LCP2: variants seen among roughly 807,000 people sequenced by gnomAD.
The protein encoded by LCP2 is 76 kDa tyrosine phosphoprotein.
LCP2 carries 29 observed loss-of-function variants against 74.5 expected under a neutral mutation model. The observed-to-expected ratio is 0.39, with a 90% confidence interval of 0.29 to 0.53. LCP2 has a LOEUF of 0.53. Ranked by LOEUF, LCP2 falls within the 20% of genes least tolerant of loss-of-function variation. LCP2 has a pLI of 0.72. For missense variants in LCP2, 604 were observed against 634.6 expected, an observed-to-expected ratio of 0.95 and a Z score of 0.52; for synonymous variants, 228 against 229.5, an observed-to-expected ratio of 0.99 and a Z score of 0.06.
At chr5:170,262,125 C>T (rs1055332125) in intron 13 of LCP2, among the ~76,000 whole-genome samples, 92 of 152,116 alleles carry the variant, frequency 6.0e-4, no homozygotes, top group African/African-American at 2.0e-3. Flanking sequence ...GGTACATGCG[C>T]GCCATTTGGT....
intron 1 of LCP2, among the ~76,000 whole-genome samples, chr5:170,296,460 C>T (rs1171910556): frequency 2.6e-5 from 4 of 152,194 alleles, no homozygotes; most frequent in Non-Finnish European, 5.9e-5. Context: ...GGAACCTCGT[C>T]TACCCTCTTG....
At chr5:170,289,101 C>T (rs945851615) in intron 2 of LCP2, among the ~76,000 whole-genome samples, 4 of 152,126 alleles carry the variant, frequency 2.6e-5, no homozygotes, top group African/African-American at 9.7e-5. Flanking sequence ...ATGCACTTTG[C>T]CTCTCTGAGC....
At chr5:170,280,117 T>G (rs1762074714) in intron 3 of LCP2, among the ~76,000 whole-genome samples, 1 of 152,178 alleles carries the variant, frequency 6.6e-6, no homozygotes, top group African/African-American at 2.4e-5. Flanking sequence ...TGGCTTATGA[T>G]GTAGAGCGCA....
chr5:170,272,597 C>CTTTTT (rs61463939), intron 6 of LCP2, among the ~76,000 whole-genome samples: 2,247 of 40,370 alleles, frequency 0.056, 717 homozygotes, highest in Non-Finnish European at 0.069. Flanking sequence ...CAAATATTTT[C>CTTTTT]TTTTTTTTTT....
At chr5:170,267,884 CCTAA>C (rs1415754431) in intron 8 of LCP2, among the ~76,000 whole-genome samples, 5 of 152,156 alleles carry the variant, frequency 3.3e-5, no homozygotes, top group African/African-American at 4.8e-5. Context: ...GGAACACATT[CCTAA>C]CTATCAAGTC....
Position 170,267,040 on chromosome 5 carries a change from G to A in LCP2, c.657C>T (p.Pro219=). 1 of 1,613,960 alleles carries A rather than the reference G, an allele frequency of 6.2e-7. No individual in the cohort carries two copies. The highest frequency in any genetic ancestry group is 8.5e-7 in the Non-Finnish European group (1 of 1,179,888). The change falls in exon 9 of 21, where the codon CCC becomes CCT. Residue 219 remains proline, a synonymous_variant. Coordinates refer to ENST00000046794, the MANE Select transcript of LCP2 (RefSeq NM_005565.5). ...LPPPQTNHEE[P]SRSRNHKTAK... is the part of the protein sequence containing the mutation. Reference sequence around the variant, plus strand: ...CCGTTTTGTGGTTTCTGCTTCTGCTGGGTTCTTCGTGGTTGGTCTGGGGTG... The same window carrying A: ...CCGTTTTGTGGTTTCTGCTTCTGCTAGGTTCTTCGTGGTTGGTCTGGGGTG...
At chr5:170,266,787 T>C (rs754345673) in intron 10 of LCP2, 21 bp downstream of exon 10, 2 of 1,587,964 alleles carry the variant, frequency 1.3e-6, no homozygotes, top group East Asian at 2.2e-5. Context: ...TTACTATGCA[T>C]TAAATGTGAA....
intron 2 of LCP2, among the ~76,000 whole-genome samples, chr5:170,292,645 T>C (rs1177640995): frequency 1.3e-5 from 2 of 152,166 alleles, no homozygotes; most frequent in Non-Finnish European, 2.9e-5. Flanking sequence ...CCAGAAAGGA[T>C]GGATTGGTGC....
At chr5:170,261,407 G>GTGTATATATA (rs150577805) in intron 13 of LCP2, among the ~76,000 whole-genome samples, 10 of 146,324 alleles carry the variant, frequency 6.8e-5, no homozygotes, top group Non-Finnish European at 1.0e-4. Context: ...GTGTGTGTGT[G>GTGTATATATA]TATATATATA....
At chr5:170,295,422 C>T (rs1762357335) in intron 1 of LCP2, among the ~76,000 whole-genome samples, 1 of 152,346 alleles carries the variant, frequency 6.6e-6, no homozygotes, top group East Asian at 1.9e-4. Flanking sequence ...TTAATCCTCA[C>T]AACCAACCCA....
chr5:170,256,551 G>A lies in LCP2; in HGVS notation c.1125C>T (p.Ala375=). The change falls in exon 17 of 21, where the codon GCC becomes GCT. Residue 375 remains alanine, a synonymous_variant. Coordinates refer to ENST00000046794, the MANE Select transcript of LCP2 (RefSeq NM_005565.5). The surrounding 1 kb of genome is among the most constrained non-coding windows in gnomAD (Gnocchi z 4.5). ...SESNSSFPQS[A]SLPPYFSQGP... Reference sequence around the variant, plus strand: ...CTTGAGAGAAGTATGGTGGCAGGGAGGCACTCTGTGGAAAACTGCTGTTAC... The same window carrying A: ...CTTGAGAGAAGTATGGTGGCAGGGAAGCACTCTGTGGAAAACTGCTGTTAC... 2.5e-6 allele frequency: 4 copies of A among 1,613,184 alleles called. No individual in the cohort carries two copies. The highest frequency in any genetic ancestry group is 1.1e-5 in the South Asian group (1 of 91,066).
rs1475641788 is a variant in LCP2, at chr5:170,278,463, C to T, written c.189-2603G>A. Among the ~76,000 whole-genome samples the T allele has an allele frequency of 9.4e-4, 10 of 10,686 alleles. 1 individual carries two copies. In the South Asian group the frequency reaches 0.034, roughly 37 times the overall value. 7.0% of individuals were successfully genotyped at this position (10,686 alleles called of 152,430 possible). On this transcript the variant is annotated intron_variant, in intron 3 of 20. Coordinates refer to ENST00000046794, the MANE Select transcript of LCP2 (RefSeq NM_005565.5). Reference sequence around the variant, plus strand: ...GTGGGGGGCTGGGGGGATGGGAGTGCAGGGGTGGGGGGCTGGTGAGGGGGA... The same window carrying T: ...GTGGGGGGCTGGGGGGATGGGAGTGTAGGGGTGGGGGGCTGGTGAGGGGGA...
chr5:170,251,794 G>A (rs1335700431), intron 19 of LCP2: 1 of 351,876 alleles, frequency 2.8e-6, no homozygotes, highest in Non-Finnish European at 5.9e-6. Flanking sequence ...GAATCTCAAG[G>A]TGAGACCCAG....
intron 10 of LCP2, among the ~76,000 whole-genome samples, chr5:170,263,892 C>T (rs969176332): frequency 2.0e-5 from 3 of 152,134 alleles, no homozygotes; most frequent in Non-Finnish European, 4.4e-5. Flanking sequence ...CATGCAGGAT[C>T]AGGCACTTGA....
rs535830066 is a variant in LCP2 at position 170,275,441 on chromosome 5, C to A, written c.255-90G>T. 6.4e-4 allele frequency: 911 copies of A among 1,414,366 alleles called. 7 individuals are homozygous for A. In the Middle Eastern group the frequency reaches 8.2e-3, roughly 13 times the overall value. 87.6% of individuals were successfully genotyped at this position (1,414,366 alleles called of 1,614,324 possible). ...AACCTGGTCCAGCGAGAGGGAGTCC[C>A]CAGTGGAGGGCATGTCTCACTGCTC... is the stretch of plus-strand genomic sequence containing the variant. On this transcript the variant is annotated intron_variant, in intron 4 of 20. Coordinates refer to ENST00000046794, the MANE Select transcript of LCP2 (RefSeq NM_005565.5).
At position 170,253,150 on chromosome 5, in the gene LCP2, T is replaced by A; in HGVS notation, c.1214A>T (p.Lys405Ile). The A allele has an allele frequency of 6.2e-7, 1 of 1,612,236 alleles. No individual in the cohort carries two copies. The highest frequency in any genetic ancestry group is 8.5e-7 in the Non-Finnish European group (1 of 1,179,158). Residue 405 changes from lysine to isoleucine, a missense_variant, in exon 18 of 21, where the codon AAA (lysine) becomes ATA (isoleucine). Coordinates refer to ENST00000046794, the MANE Select transcript of LCP2 (RefSeq NM_005565.5). ...GRNFPLPLPN[K>I]PRPPSPAEEE... ...CTCCGCGGGGGATGGGGGCCGAGGT[T>A]TGTTTGGAAGTGGCAAGGGGAAGTT...
At chr5:170,294,079 A>G (rs552208194) in intron 1 of LCP2, among the ~76,000 whole-genome samples, 1 of 152,352 alleles carries the variant, frequency 6.6e-6, no homozygotes, top group East Asian at 1.9e-4. Flanking sequence ...AGAGGCACAG[A>G]CAGCAAGTAA....
In LCP2 at chr5:170,246,395, T is replaced by C. The variant is rs1274803624; in HGVS notation, c.*2302A>G. ...AGAGAGCTACTAAATTATTAATTGA[T>C]GGAATGAGTTTTTATTAATCAGAAC... is the stretch of plus-strand genomic sequence containing the variant. On this transcript the variant is annotated 3_prime_UTR_variant, in exon 21 of 21. Transcript: ENST00000046794. The C allele has an allele frequency of 6.6e-5, 15 of 226,618 alleles. No homozygotes were observed. The highest frequency in any genetic ancestry group is 1.6e-3 in the Middle Eastern group (1 of 632). The allele number at this position is 226,618 out of a possible 1,614,324, so 14.0% of individuals were successfully genotyped here. A position where few individuals can be genotyped will look rare whatever the true frequency, so the allele number is the denominator to read the frequency against.
intron 14 of LCP2, among the ~76,000 whole-genome samples, chr5:170,259,685 C>G (rs1761618978): frequency 6.6e-6 from 1 of 152,124 alleles, no homozygotes; most frequent in South Asian, 2.1e-4. Context: ...GTTAAGTGCT[C>G]TTTAATAAAA....
Sources: gnomAD v4.1 joint callset for allele counts (sites outside exome capture counted in the v4.1 genomes callset) on GRCh38, gnomAD v4.1.1 for gene constraint, Gnocchi (gnomAD v3.1) non-coding constraint, MANE v1.5 for transcripts, NCBI Gene and HGNC (gene_info 2026-07-23, HGNC 2026-07-21) for gene names.